Variants in PCDH15 observed in about 807,000 individuals in gnomAD.
PCDH15 encodes protocadherin related 15, also known as protocadherin-15.
A neutral mutation model predicts 178.5 loss-of-function variants in PCDH15; 129 were observed. The ratio of observed to expected loss-of-function variants is 0.72; its 90% CI spans 0.63 to 0.84. The LOEUF (loss-of-function observed/expected upper bound fraction) is 0.84, where lower values mean the gene tolerates loss of function less well. Among genes scored for constraint, PCDH15 ranks in the 40% least tolerant of loss-of-function variants. PCDH15 has a pLI of 0.00. For missense variants in PCDH15, 2,230 were observed against 2,099.9 expected (o/e 1.06, Z -1.21); for synonymous variants, 800 against 732.0 (o/e 1.09, Z -1.50).
At chr10:55,170,100 C>G (rs536739841) in intron 1 of PCDH15, among the ~76,000 whole-genome samples, 4 of 151,976 alleles carry the variant, frequency 2.6e-5, no homozygotes, top group South Asian at 4.2e-4. Flanking sequence ...TAATTTGAAC[C>G]TACTTGAATT....
chr10:55,580,082 C>T (rs566698456), intron 2 of PCDH15, among the ~76,000 whole-genome samples: 48 of 152,278 alleles, frequency 3.2e-4, no homozygotes, highest in African/African-American at 1.1e-3. Context: ...GTCTCCAACA[C>T]CTGACCTCAG....
chr10:54,078,582 A>T (rs1287597771), intron 17 of PCDH15, among the ~76,000 whole-genome samples: 2 of 151,760 alleles, frequency 1.3e-5, no homozygotes, highest in Non-Finnish European at 2.9e-5. Context: ...ACACATAAGC[A>T]CCTGATTGAA....
intron 26 of PCDH15, among the ~76,000 whole-genome samples, chr10:53,873,361 C>T (rs561236755): frequency 2.0e-5 from 3 of 152,284 alleles, no homozygotes; most frequent in Non-Finnish European, 2.9e-5. Context: ...TTGCTGCTTC[C>T]GCTGTTTGCT....
chr10:55,420,917 AT>A (rs1013841355), intron 2 of PCDH15, among the ~76,000 whole-genome samples: 23 of 151,736 alleles, frequency 1.5e-4, no homozygotes, highest in African/African-American at 5.6e-4. Flanking sequence ...AAATTAAATG[AT>A]TATCTGCTTT....
chr10:54,774,774 G>A (rs966822680), intron 1 of PCDH15, among the ~76,000 whole-genome samples: 1 of 152,018 alleles, frequency 6.6e-6, no homozygotes, highest in Admixed American at 6.6e-5. Context: ...TAGAAACCAC[G>A]TCTCCTGAAA....
At chr10:53,992,693 T>C (rs936577371) in intron 21 of PCDH15, among the ~76,000 whole-genome samples, 3 of 152,140 alleles carry the variant, frequency 2.0e-5, no homozygotes, top group Admixed American at 1.3e-4. Context: ...ATGAAACGTC[T>C]CTGGTGAAAA....
At chr10:55,320,239 T>C (rs187917413), upstream of PCDH15, among the ~76,000 whole-genome samples, 55 of 152,132 alleles carry the variant, frequency 3.6e-4, no homozygotes, top group Admixed American at 2.0e-3. Context: ...CTGGTATGAG[T>C]GCAAACTACC....
intron 3 of PCDH15, among the ~76,000 whole-genome samples, chr10:54,479,342 C>T (rs992016641): frequency 6.6e-6 from 1 of 151,846 alleles, no homozygotes; most frequent in Non-Finnish European, 1.5e-5. Flanking sequence ...GAGTAACTTC[C>T]AGCAAATGAA....
intron 20 of PCDH15, among the ~76,000 whole-genome samples, chr10:53,998,190 T>C (rs1238565992): frequency 6.6e-6 from 1 of 152,184 alleles, no homozygotes; most frequent in Non-Finnish European, 1.5e-5. Flanking sequence ...TTTCCTCCTC[T>C]GTAGTTAAGA....
intron 25 of PCDH15, among the ~76,000 whole-genome samples, chr10:53,919,109 A>G (rs1276444381): frequency 2.6e-5 from 4 of 152,122 alleles, no homozygotes; most frequent in Non-Finnish European, 4.4e-5. Context: ...CATTGAGTCC[A>G]CCCAGATAGT....
intron 1 of PCDH15, among the ~76,000 whole-genome samples, chr10:55,168,505 C>T (rs1309036940): frequency 6.6e-6 from 1 of 152,146 alleles, no homozygotes; most frequent in Non-Finnish European, 1.5e-5. Flanking sequence ...CCAGAAATAG[C>T]TAGATATTCC....
At chr10:55,057,577 C>T (rs1024138684) in intron 2 of PCDH15, among the ~76,000 whole-genome samples, 53 of 152,168 alleles carry the variant, frequency 3.5e-4, no homozygotes, top group Non-Finnish European at 6.6e-4. Context: ...ATACAGAAAG[C>T]ATGGTTGCAG....
intron 2 of PCDH15, among the ~76,000 whole-genome samples, chr10:55,439,847 A>G (rs2132067251): frequency 6.6e-6 from 1 of 152,274 alleles, no homozygotes; most frequent in South Asian, 2.1e-4. Context: ...GGCAAACACT[A>G]GAATGAAACA....
At chr10:54,367,643 CCGGGG>C (rs1199412201) in intron 5 of PCDH15, among the ~76,000 whole-genome samples, 1 of 151,732 alleles carries the variant, frequency 6.6e-6, no homozygotes, top group Non-Finnish European at 1.5e-5. Context: ...ACATCACACA[CCGGGG>C]CCTGTTGGGG....
At chr10:55,227,137 A>G (rs977595354) in intron 1 of PCDH15, among the ~76,000 whole-genome samples, 2 of 152,104 alleles carry the variant, frequency 1.3e-5, no homozygotes, top group Admixed American at 6.6e-5. Context: ...TCTAATTATG[A>G]AATTTCAAAA....
chr10:55,023,650 C>G (rs938295051), intron 2 of PCDH15, among the ~76,000 whole-genome samples: 6 of 151,958 alleles, frequency 3.9e-5, no homozygotes, highest in African/African-American at 1.5e-4. Context: ...AATGGCAGAC[C>G]TATTTGTTTC....
chr10:54,782,876 T>C (rs988475563), intron 1 of PCDH15, among the ~76,000 whole-genome samples: 4 of 152,034 alleles, frequency 2.6e-5, no homozygotes, highest in African/African-American at 4.8e-5. Flanking sequence ...CTGATGTTAA[T>C]TGAAGTCAGA....
chr10:55,172,379 A>AT (rs906441442), intron 1 of PCDH15, among the ~76,000 whole-genome samples: 16 of 151,784 alleles, frequency 1.1e-4, no homozygotes, highest in African/African-American at 9.7e-5. Context: ...TGATTTTTGA[A>AT]TTTTTTTTCT....
At chr10:54,155,440 C>T (rs915813988) in intron 13 of PCDH15, among the ~76,000 whole-genome samples, 4 of 152,034 alleles carry the variant, frequency 2.6e-5, no homozygotes, top group African/African-American at 9.7e-5. Context: ...TTAACAAGTA[C>T]ACAAAATAAG....
Sources: allele counts gnomAD v4.1 joint callset (sites outside exome capture counted in the v4.1 genomes callset), GRCh38; gene constraint gnomAD v4.1.1; transcripts MANE v1.5; gene names NCBI Gene and HGNC (gene_info 2026-07-23, HGNC 2026-07-21).